ACADSB: variants seen among roughly 807,000 people sequenced by gnomAD.
ACADSB encodes the protein acyl-CoA dehydrogenase short/branched chain.
A neutral mutation model predicts 54.1 loss-of-function variants in ACADSB; 40 were observed. That is an observed-to-expected ratio of 0.74 (90% CI 0.57 to 0.96). The LOEUF is 0.96. ACADSB is among the 40% of genes least tolerant of loss of function. The pLI, the probability that ACADSB is intolerant of heterozygous loss-of-function variation, is 0.00. For missense variants in ACADSB, 530 were observed against 510.4 expected (o/e 1.04, Z -0.37); for synonymous variants, 182 against 182.8 (o/e 1.00, Z 0.03).
At chr10:123,039,175 T>G (rs1320389735) in intron 3 of ACADSB, among the ~76,000 whole-genome samples, 1 of 152,194 alleles carries the variant, frequency 6.6e-6, no homozygotes, top group Non-Finnish European at 1.5e-5. Flanking sequence ...TGATATCTGT[T>G]CGAGTCATTG....
intron 1 of ACADSB, among the ~76,000 whole-genome samples, chr10:123,022,199 A>G (rs1421132485): frequency 6.6e-6 from 1 of 152,232 alleles, no homozygotes; most frequent in East Asian, 1.9e-4. Flanking sequence ...CTGGCTTTGA[A>G]CTTTACCAAA....
At chr10:123,046,473 G>A (rs1345267044) in intron 7 of ACADSB, among the ~76,000 whole-genome samples, 1 of 152,168 alleles carries the variant, frequency 6.6e-6, no homozygotes, top group Admixed American at 6.5e-5. Flanking sequence ...CACGTCCTGT[G>A]TAAATTAATG....
intron 1 of ACADSB, 45 bp downstream of exon 1, chr10:123,009,116 T>A: frequency 6.5e-7 from 1 of 1,534,784 alleles, no homozygotes; most frequent in Non-Finnish European, 8.8e-7. Flanking sequence ...AGGGCGACCT[T>A]GGCCCCTGGA....
intron 1 of ACADSB, among the ~76,000 whole-genome samples, chr10:123,013,690 C>T (rs1027048137): frequency 1.3e-4 from 20 of 152,208 alleles, no homozygotes; most frequent in Admixed American, 4.6e-4. Context: ...TCGAGCGCGG[C>T]GCCGGTGGGC....
chr10:123,051,470 C>T (rs1344375740), intron 9 of ACADSB, among the ~76,000 whole-genome samples: 3 of 152,058 alleles, frequency 2.0e-5, no homozygotes, highest in Non-Finnish European at 4.4e-5. Context: ...TCTGTGAGGT[C>T]TCCATGTTTC....
intron 5 of ACADSB, among the ~76,000 whole-genome samples, chr10:123,042,407 A>T (rs1362203864): frequency 6.6e-6 from 1 of 151,866 alleles, no homozygotes; most frequent in African/African-American, 2.4e-5. Context: ...TTTTTTCACC[A>T]GTAAATACAG....
chr10:123,025,591 A>G (rs1015095666), intron 1 of ACADSB, among the ~76,000 whole-genome samples: 3 of 152,238 alleles, frequency 2.0e-5, no homozygotes, highest in Admixed American at 6.5e-5. Flanking sequence ...CTGCCATCAA[A>G]GAGCTAATTT....
intron 9 of ACADSB, among the ~76,000 whole-genome samples, chr10:123,051,580 G>A (rs1394776320): frequency 6.6e-6 from 1 of 152,160 alleles, no homozygotes; most frequent in Non-Finnish European, 1.5e-5. Context: ...CGGGCAAAGT[G>A]AATGCCGTGG....
Position 123,054,279 on chromosome 10 carries a change from C to A in ACADSB, c.*514C>A. 1 of 159,062 alleles carries A rather than the reference C, an allele frequency of 6.3e-6. No homozygotes were observed. The highest frequency in any genetic ancestry group is 1.8e-4 in the South Asian group (1 of 5,622). 9.9% of individuals were successfully genotyped at this position (159,062 alleles called of 1,614,324 possible). A position where few individuals can be genotyped will look rare whatever the true frequency, so the allele number is the denominator to read the frequency against. Reference sequence around the variant, plus strand: ...CTGGATATCGCCCACCTTGGCCTCCCAAAGTGCTGGGATTACAGGGATGAG... The same window carrying A: ...CTGGATATCGCCCACCTTGGCCTCCAAAAGTGCTGGGATTACAGGGATGAG... On this transcript the variant is annotated 3_prime_UTR_variant, in exon 11 of 11. Transcript: ENST00000358776.
At chr10:123,048,292 A>G (rs998986440) in intron 8 of ACADSB, among the ~76,000 whole-genome samples, 1 of 152,212 alleles carries the variant, frequency 6.6e-6, no homozygotes, top group Non-Finnish European at 1.5e-5. Flanking sequence ...TTCAAGACCC[A>G]GAAGGACTGA....
chr10:123,034,931 T>TTTTCTTTC (rs895662807), intron 2 of ACADSB, among the ~76,000 whole-genome samples: 5 of 150,836 alleles, frequency 3.3e-5, no homozygotes, highest in African/African-American at 1.2e-4. Context: ...TGGGTTTTCT[T>TTTTCTTTC]TTTCTTTCTT....
At position 123,056,277 on chromosome 10, in the gene ACADSB, G is replaced by T; in HGVS notation, c.*2512G>T. Reference sequence around the variant, plus strand: ...ACTTACAGTTCCACATGGCCGGGGAGGCCTCAGAATCATGGCGGGAGGTGA... The same window carrying T: ...ACTTACAGTTCCACATGGCCGGGGATGCCTCAGAATCATGGCGGGAGGTGA... On this transcript the variant is annotated 3_prime_UTR_variant, in exon 11 of 11. Transcript: ENST00000358776. 1 of 224,438 alleles carries T rather than the reference G, an allele frequency of 4.5e-6. No individual in the cohort carries two copies. Among genetic ancestry groups the T allele is most frequent in the Non-Finnish European group, 8.6e-6 (1 of 116,004 alleles). 13.9% of individuals were successfully genotyped at this position (224,438 alleles called of 1,614,324 possible).
Position 123,053,941 on chromosome 10 carries a change from G to C in ACADSB, c.*176G>C, listed in dbSNP as rs1274956571. 1.5e-6 allele frequency: 1 copy of C among 652,306 alleles called. No homozygotes were observed. Among genetic ancestry groups the C allele is most frequent in the Non-Finnish European group, 2.7e-6 (1 of 369,962 alleles). The allele number at this position is 652,306 out of a possible 1,614,324, so 40.4% of individuals were successfully genotyped here. ...CTTTTTGGTTTTCTCTTTTCAGGCT[G>C]TTTAACTTAGGCACAGGAGATCCAC... On this transcript the variant is annotated 3_prime_UTR_variant, in exon 11 of 11. Transcript: ENST00000358776.
intron 7 of ACADSB, among the ~76,000 whole-genome samples, chr10:123,045,144 TATATATA>T (rs1564752851): frequency 4.4e-4 from 6 of 13,582 alleles, no homozygotes; most frequent in African/African-American, 6.3e-4. Context: ...TATATATATA[TATATATA>T]TATATATATA....
intron 1 of ACADSB, among the ~76,000 whole-genome samples, chr10:123,021,611 A>C (rs1398296073): frequency 6.6e-6 from 1 of 152,228 alleles, no homozygotes; most frequent in Non-Finnish European, 1.5e-5. Flanking sequence ...TTATATAAAC[A>C]TCACACGCAT....
intron 5 of ACADSB, among the ~76,000 whole-genome samples, chr10:123,042,670 A>G (rs1589742179): frequency 6.6e-6 from 1 of 151,546 alleles, no homozygotes; most frequent in South Asian, 2.1e-4. Context: ...CTGGTTTCAA[A>G]CCCCTGACCT....
chr10:123,019,595 T>A (rs1191005309), intron 1 of ACADSB, among the ~76,000 whole-genome samples: 1 of 152,256 alleles, frequency 6.6e-6, no homozygotes, highest in Non-Finnish European at 1.5e-5. Context: ...GAACCCTTTT[T>A]TCATGGCCTT....
intron 1 of ACADSB, among the ~76,000 whole-genome samples, chr10:123,019,379 A>G (rs757252275): frequency 2.0e-5 from 3 of 152,220 alleles, no homozygotes; most frequent in Non-Finnish European, 2.9e-5. Flanking sequence ...TACACGTGCC[A>G]TAGGATTACA....
chr10:123,043,133 G>T lies in ACADSB; in HGVS notation c.769G>T (p.Ala257Ser), dbSNP rs1315430989. The T allele has an allele frequency of 6.2e-7, 1 of 1,614,060 alleles. No individual in the cohort carries two copies. Among genetic ancestry groups the T allele is most frequent in the South Asian group, 1.1e-5 (1 of 91,084 alleles). ...ACCTGAAAACAAATTGGGGCTCAGAGCTTCTTCCACCTGCCCGTTAACATT... is the reference window on the plus strand; with the variant it reads ...ACCTGAAAACAAATTGGGGCTCAGATCTTCTTCCACCTGCCCGTTAACATT... ...GKPENKLGLR[A>S]SSTCPLTFEN... The change falls in exon 6 of 11, where the codon GCT (alanine) becomes TCT (serine). Residue 257 changes from alanine to serine, a missense_variant. Transcript: ENST00000358776.
Sources: allele counts gnomAD v4.1 joint callset (sites outside exome capture counted in the v4.1 genomes callset), GRCh38; gene constraint gnomAD v4.1.1; transcripts MANE v1.5; gene names NCBI Gene and HGNC (gene_info 2026-07-23, HGNC 2026-07-21).